SRGAP3: variants seen among roughly 807,000 people sequenced by gnomAD.
The protein encoded by SRGAP3 is SLIT-ROBO Rho GTPase activating protein 3.
Under a neutral mutation model 121.1 loss-of-function variants are expected in SRGAP3, and 39 were observed. That is an observed-to-expected ratio of 0.32 (90% CI 0.25 to 0.42). The LOEUF (loss-of-function observed/expected upper bound fraction) is 0.42, where lower values mean the gene tolerates loss of function less well. Among genes scored for constraint, SRGAP3 ranks in the 10% least tolerant of loss-of-function variants. The pLI, the probability that SRGAP3 is intolerant of heterozygous loss-of-function variation, is 1.00. For missense variants in SRGAP3, 1,213 were observed against 1,470.6 expected (o/e 0.82, Z 2.86); for synonymous variants, 601 against 570.0 (o/e 1.05, Z -0.77).
chr3:9,154,125 C>T (rs1950316393), intron 1 of SRGAP3, among the ~76,000 whole-genome samples: 2 of 152,126 alleles, frequency 1.3e-5, no homozygotes, highest in African/African-American at 2.4e-5. Context: ...CACTGCAGCC[C>T]CGCTTTCCAG....
chr3:9,064,627 G>T, intron 4 of SRGAP3, 46 bp from the exon 5 acceptor site: 1 of 1,609,804 alleles, frequency 6.2e-7, no homozygotes. Context: ...CTATGGCCCA[G>T]CACGGCCCTC....
At chr3:9,212,747 T>C (rs1368058122) in intron 1 of SRGAP3, among the ~76,000 whole-genome samples, 1 of 152,214 alleles carries the variant, frequency 6.6e-6, no homozygotes, top group Non-Finnish European at 1.5e-5. Context: ...GAATGACTTC[T>C]GCTAGACTAT....
At chr3:9,001,924 A>G (rs970967550) in intron 18 of SRGAP3, among the ~76,000 whole-genome samples, 3 of 152,182 alleles carry the variant, frequency 2.0e-5, no homozygotes, top group Admixed American at 2.0e-4. Flanking sequence ...GCAAAAATGG[A>G]CAAAAACAAA....
intron 3 of SRGAP3, among the ~76,000 whole-genome samples, chr3:9,318,734 C>T (rs567953897): frequency 2.0e-5 from 3 of 151,396 alleles, no homozygotes; most frequent in South Asian, 4.2e-4. Context: ...ATTTAAATAG[C>T]CAGGCATAGC....
rs1941580110 is a variant in SRGAP3 at position 8,984,580 on chromosome 3, C to T, written c.*939G>A. ...CCCAACCACATGTAATACTGTGCTA[C>T]GATGGGGCTTAGGTTCTCACTATCC... On this transcript the variant is annotated 3_prime_UTR_variant, in exon 22 of 22. Coordinates refer to ENST00000383836, the MANE Select transcript of SRGAP3 (RefSeq NM_014850.4). 4.3e-6 allele frequency: 1 copy of T among 232,692 alleles called. No homozygotes were observed. The highest frequency in any genetic ancestry group is 1.8e-4 in the South Asian group (1 of 5,526). The allele number at this position is 232,692 out of a possible 1,614,324, so 14.4% of individuals were successfully genotyped here. A position where few individuals can be genotyped will look rare whatever the true frequency, so the allele number is the denominator to read the frequency against.
rs1226003079 is a variant in SRGAP3, at chr3:9,136,398, C to CA, written c.68-11482_68-11481insT. On this transcript the variant is annotated intron_variant, in intron 1 of 21. Transcript: ENST00000383836. ...GCCACGGCAACCGTCGCTGGGACCC[C>CA]CCCCCCCCCCGACCGCCCCGCCCCG... 3.9e-3 allele frequency among the ~76,000 whole-genome samples: 242 copies of CA among 62,702 alleles called. 4 individuals are homozygous for CA. The highest frequency in any genetic ancestry group is 5.6e-3 in the Non-Finnish European group (161 of 28,500). The allele number at this position is 62,702 out of a possible 152,430, so 41.1% of individuals were successfully genotyped here.
At chr3:9,157,788 C>A (rs1950467612) in intron 1 of SRGAP3, among the ~76,000 whole-genome samples, 1 of 152,180 alleles carries the variant, frequency 6.6e-6, no homozygotes, top group African/African-American at 2.4e-5. Context: ...ACATCTATAA[C>A]CCACACATAT....
chr3:9,006,158 T>G (rs1033578206), intron 18 of SRGAP3, among the ~76,000 whole-genome samples: 1 of 152,006 alleles, frequency 6.6e-6, no homozygotes, highest in Admixed American at 6.6e-5. Context: ...CCCAGCACTT[T>G]GGGAGGCTGA....
chr3:9,040,426 T>C (rs1014897885), intron 10 of SRGAP3, among the ~76,000 whole-genome samples: 1 of 152,218 alleles, frequency 6.6e-6, no homozygotes, highest in Non-Finnish European at 1.5e-5. Context: ...CGTTTGCATT[T>C]GCTGCCTGGA....
intron 1 of SRGAP3, among the ~76,000 whole-genome samples, chr3:9,172,474 A>G (rs1246788177): frequency 6.6e-6 from 1 of 152,196 alleles, no homozygotes; most frequent in Non-Finnish European, 1.5e-5. Flanking sequence ...TCACCTGTAC[A>G]GGGGTTAGGA....
intron 21 of SRGAP3, among the ~76,000 whole-genome samples, chr3:8,987,795 GGAAGGGAGGGAAGGCA>G (rs1375711634): frequency 5.9e-5 from 9 of 152,262 alleles, no homozygotes; most frequent in African/African-American, 2.2e-4. Context: ...ATTTTCTGCA[GGAAGGGAGGGAAGGCA>G]GACCTCTCCC....
In SRGAP3 at chr3:9,046,840, T is replaced by TC. The variant is rs533531265; in HGVS notation, c.1408+550_1408+551insG. Among the ~76,000 whole-genome samples the TC allele has an allele frequency of 7.1e-4, 108 of 151,844 alleles. 1 individual carries two copies. In the South Asian group the frequency reaches 0.022, roughly 31 times the overall value. On this transcript the variant is annotated intron_variant, in intron 10 of 21. Transcript: ENST00000383836. ...GCCTCTATTTTCTTTTCTTTTCTTT[T>TC]TTTTTTTGGAGATGGAGTCTCGCTC...
intron 10 of SRGAP3, among the ~76,000 whole-genome samples, chr3:9,043,070 C>G (rs116195348): frequency 2.0e-5 from 3 of 152,178 alleles, no homozygotes; most frequent in Non-Finnish European, 1.5e-5. Flanking sequence ...AGGTCCCCCC[C>G]ATCTCTCCCA....
rs111921519 is a variant in SRGAP3, at chr3:8,981,387, C to T, written c.*4132G>A. 0.014 allele frequency: 3,223 copies of T among 232,928 alleles called. 33 individuals carry two copies. The highest frequency in any genetic ancestry group is 0.055 in the Middle Eastern group (43 of 786). The allele number at this position is 232,928 out of a possible 1,614,324, so 14.4% of individuals were successfully genotyped here. A position where few individuals can be genotyped will look rare whatever the true frequency, so the allele number is the denominator to read the frequency against. ...TAACCCCATGGTTGTGAGCCAGCCA[C>T]TCTTCTTTCTGGGTTTCTCAGGAGA... On this transcript the variant is annotated 3_prime_UTR_variant, in exon 22 of 22. Coordinates refer to ENST00000383836, the MANE Select transcript of SRGAP3 (RefSeq NM_014850.4).
At chr3:9,126,972 G>T (rs1271516809) in intron 1 of SRGAP3, among the ~76,000 whole-genome samples, 1 of 152,146 alleles carries the variant, frequency 6.6e-6, no homozygotes, top group Non-Finnish European at 1.5e-5. Flanking sequence ...ATAATAAAAA[G>T]TGTTTTTAAA....
intron 3 of SRGAP3, among the ~76,000 whole-genome samples, chr3:9,311,730 T>G (rs970948564): frequency 2.0e-5 from 3 of 152,218 alleles, no homozygotes; most frequent in African/African-American, 7.2e-5. Flanking sequence ...CAGGCTGCGT[T>G]TGGCCTGCAG....
chr3:9,247,465 T>C (rs571248767), intron 1 of SRGAP3, among the ~76,000 whole-genome samples: 96 of 152,014 alleles, frequency 6.3e-4, no homozygotes, highest in Admixed American at 1.6e-3. Context: ...AGACTGTTGG[T>C]GAGACTGGAA....
At chr3:9,207,292 G>A (rs1952298231) in intron 1 of SRGAP3, among the ~76,000 whole-genome samples, 1 of 152,170 alleles carries the variant, frequency 6.6e-6, no homozygotes. Context: ...GGTTTCTACT[G>A]TTTAGAGTCA....
At chr3:9,196,825 C>A (rs1951934265) in intron 1 of SRGAP3, among the ~76,000 whole-genome samples, 1 of 152,126 alleles carries the variant, frequency 6.6e-6, no homozygotes, top group East Asian at 1.9e-4. Context: ...AAGTTGCACC[C>A]AGATAAAGTA....
Sources: allele counts gnomAD v4.1 joint callset (sites outside exome capture counted in the v4.1 genomes callset), GRCh38; gene constraint gnomAD v4.1.1; transcripts MANE v1.5; gene names NCBI Gene and HGNC (gene_info 2026-07-23, HGNC 2026-07-21).